SEMA3C: variants seen among roughly 807,000 people sequenced by gnomAD.
The protein encoded by SEMA3C is semaphorin-3C.
A neutral mutation model predicts 89.4 loss-of-function variants in SEMA3C; 47 were observed. That is an observed-to-expected ratio of 0.53 (90% CI 0.42 to 0.67). SEMA3C has a LOEUF of 0.67. Among genes scored for constraint, SEMA3C ranks in the 30% least tolerant of loss-of-function variants. The pLI is 0.00. For synonymous variants in SEMA3C, 310 were observed against 320.2 expected (o/e 0.97, Z 0.34); for missense variants, 839 against 929.1 (o/e 0.90, Z 1.26).
At chr7:80,863,839 A>G (rs1166854621) in intron 2 of SEMA3C, among the ~76,000 whole-genome samples, 3 of 114,360 alleles carry the variant, frequency 2.6e-5, no homozygotes. Flanking sequence ...TGTGATATAT[A>G]TATCACATAT....
chr7:80,905,825 T>G (rs1393302428), intron 2 of SEMA3C: 1 of 1,279,674 alleles, frequency 7.8e-7, no homozygotes, highest in Non-Finnish European at 1.0e-6. Flanking sequence ...CTTATGCCAC[T>G]TACTAGAGTA....
chr7:80,874,594 G>A (rs1422726313), intron 2 of SEMA3C, among the ~76,000 whole-genome samples: 1 of 151,828 alleles, frequency 6.6e-6, no homozygotes, highest in East Asian at 2.0e-4. Context: ...AGCCTCCCAA[G>A]TACCTGGAAT....
chr7:80,798,000 AAAAAAACCCC>A, intron 11 of SEMA3C, 82 bp downstream of exon 11: 1 of 1,366,836 alleles, frequency 7.3e-7, no homozygotes, highest in Non-Finnish European at 9.9e-7. Flanking sequence ...TCCGTCTCAA[AAAAAAACCCC>A]AAAAAACCCC....
intron 12 of SEMA3C, among the ~76,000 whole-genome samples, chr7:80,788,419 C>T (rs1018222514): frequency 6.6e-6 from 1 of 152,096 alleles, no homozygotes; most frequent in African/African-American, 2.4e-5. Flanking sequence ...CTAACTTTAG[C>T]GTGCATCAGA....
At chr7:80,830,673 C>T (rs1438413837) in intron 2 of SEMA3C, among the ~76,000 whole-genome samples, 3 of 151,972 alleles carry the variant, frequency 2.0e-5, no homozygotes, top group Non-Finnish European at 2.9e-5. Flanking sequence ...ATAACAAGGG[C>T]CTGGGTGAAA....
At chr7:80,872,265 C>G (rs1453237786) in intron 2 of SEMA3C, among the ~76,000 whole-genome samples, 2 of 152,092 alleles carry the variant, frequency 1.3e-5, no homozygotes, top group Non-Finnish European at 2.9e-5. Context: ...ATTCTCCAGC[C>G]TCAGCCTCCC....
intron 2 of SEMA3C, among the ~76,000 whole-genome samples, chr7:80,890,591 C>T (rs1186308101): frequency 6.6e-6 from 1 of 152,064 alleles, no homozygotes; most frequent in African/African-American, 2.4e-5. Flanking sequence ...AACTGAAATA[C>T]ACATGTTCAG....
chr7:80,768,961 T>G (rs1325415727), intron 12 of SEMA3C, among the ~76,000 whole-genome samples: 2 of 152,248 alleles, frequency 1.3e-5, no homozygotes, highest in Non-Finnish European at 2.9e-5. Flanking sequence ...TTAACAAGTC[T>G]TAACAGTTTT....
intron 6 of SEMA3C, among the ~76,000 whole-genome samples, chr7:80,807,097 T>G (rs542188287): frequency 7.9e-5 from 12 of 152,238 alleles, no homozygotes; most frequent in Admixed American, 3.3e-4. Context: ...CCATTTTAGC[T>G]TCTTTAAAAT....
intron 2 of SEMA3C, among the ~76,000 whole-genome samples, chr7:80,863,832 GAT>G (rs201166330): frequency 2.0e-5 from 2 of 100,776 alleles, no homozygotes; most frequent in African/African-American, 5.3e-5. Context: ...TGTGATATGT[GAT>G]ATATATATCA....
In SEMA3C at chr7:80,861,512, A is replaced by G. The variant is rs541915246; in HGVS notation, c.104-32767T>C. On this transcript the variant is annotated intron_variant, in intron 2 of 17. Transcript: ENST00000265361. Reference sequence around the variant, plus strand: ...ATTTAATAAGAGGTTATTTGTGGCAATATGTCAAGTCAAACATATAACAAG... The same window carrying G: ...ATTTAATAAGAGGTTATTTGTGGCAGTATGTCAAGTCAAACATATAACAAG... Among the ~76,000 whole-genome samples the G allele has an allele frequency of 4.6e-4, 70 of 152,306 alleles. 2 individuals are homozygous for G. The South Asian group carries it at 0.014, about 31-fold the overall frequency.
intron 2 of SEMA3C, among the ~76,000 whole-genome samples, chr7:80,851,922 T>G (rs1196185220): frequency 6.6e-6 from 1 of 152,200 alleles, no homozygotes; most frequent in Non-Finnish European, 1.5e-5. Context: ...AAAGTAAAGA[T>G]ATTAATTTTA....
At chr7:80,857,055 A>C (rs1224455525) in intron 2 of SEMA3C, among the ~76,000 whole-genome samples, 3 of 152,178 alleles carry the variant, frequency 2.0e-5, no homozygotes, top group Non-Finnish European at 4.4e-5. Context: ...TGGGAGGACC[A>C]GTCACTACGG....
At chr7:80,859,148 T>G (rs1309756177) in intron 2 of SEMA3C, among the ~76,000 whole-genome samples, 2 of 151,410 alleles carry the variant, frequency 1.3e-5, no homozygotes, top group Non-Finnish European at 2.9e-5. Flanking sequence ...AAAAGAACGG[T>G]GTGTGTGTGT....
intron 2 of SEMA3C, among the ~76,000 whole-genome samples, chr7:80,859,496 C>T (rs1790721302): frequency 6.6e-6 from 1 of 152,134 alleles, no homozygotes; most frequent in African/African-American, 2.4e-5. Flanking sequence ...CACAAATGCT[C>T]AGAAGAGCCT....
intron 2 of SEMA3C, among the ~76,000 whole-genome samples, chr7:80,863,350 A>AC (rs1583954011): frequency 1.3e-5 from 2 of 151,996 alleles, no homozygotes; most frequent in East Asian, 1.9e-4. Context: ...AAAAAAAAAA[A>AC]AAAACAGTAG....
At chr7:80,838,021 T>G (rs1347449576) in intron 2 of SEMA3C, among the ~76,000 whole-genome samples, 1 of 152,188 alleles carries the variant, frequency 6.6e-6, no homozygotes, top group Non-Finnish European at 1.5e-5. Context: ...ATATTGATTT[T>G]TATTATTTTT....
chr7:80,748,911 T>C lies in SEMA3C; in HGVS notation c.1829A>G (p.Asp610Gly), dbSNP rs1787860559. The C allele has an allele frequency of 1.7e-5, 27 of 1,612,040 alleles. No homozygotes were observed. Among genetic ancestry groups the C allele is most frequent in the Non-Finnish European group, 2.2e-5 (26 of 1,179,166 alleles). Reference protein sequence around the residue: ...SIKWLLQKDKDRRKEVKLNER... With the variant: ...SIKWLLQKDKGRRKEVKLNER... ...TGCTTTACTCACCTCTTTCCTCCTG[T>C]CTTTGTCTTTCTGTAACAGCCACTT... is the stretch of plus-strand genomic sequence containing the variant. Residue 610 changes from aspartate to glycine, a missense_variant, in exon 17 of 18, where the codon GAC becomes GGC. Asp to Gly is a moderately conservative substitution (Grantham distance 94). Transcript: ENST00000265361.
At chr7:80,857,199 C>T (rs113375684) in intron 2 of SEMA3C, among the ~76,000 whole-genome samples, 2 of 152,178 alleles carry the variant, frequency 1.3e-5, no homozygotes, top group African/African-American at 4.8e-5. Flanking sequence ...TGTTCCTTAA[C>T]AGGGTCAAAT....
Sources: gnomAD v4.1 joint callset for allele counts (sites outside exome capture counted in the v4.1 genomes callset) on GRCh38, gnomAD v4.1.1 for gene constraint, MANE v1.5 for transcripts, NCBI Gene and HGNC (gene_info 2026-07-23, HGNC 2026-07-21) for gene names.